A2ML1: variants seen among roughly 807,000 people sequenced by gnomAD.
A2ML1 encodes the protein alpha-2-macroglobulin-like protein 1.
A2ML1 carries 161 observed loss-of-function variants against 181.9 expected under a neutral mutation model. That is an observed-to-expected ratio of 0.89 (90% confidence interval 0.78 to 1.01). A2ML1 has a LOEUF of 1.01. A2ML1 is among the 50% of genes least tolerant of loss of function. The probability of loss-of-function intolerance (pLI) is 0.00; values close to 1 mark genes in which losing one functional copy is unlikely to be tolerated. For missense variants in A2ML1, 1,670 were observed against 1,768.1 expected (o/e 0.94, Z 1.00); for synonymous variants, 663 against 666.8 (o/e 0.99, Z 0.09).
chr12:8,847,381 G>A (rs1232363123), intron 14 of A2ML1, among the ~76,000 whole-genome samples, 168 bp from the exon 15 acceptor site: 1 of 151,920 alleles, frequency 6.6e-6, no homozygotes, highest in Admixed American at 6.6e-5. Context: ...ACTCTATCAC[G>A]GCATACACGT....
rs1184003729 is a variant in A2ML1, at chr12:8,839,324, A to G, written c.1080+102A>G. 5 of 711,878 alleles carry G rather than the reference A, an allele frequency of 7.0e-6. No homozygotes were observed. In the African/African-American group the frequency reaches 8.9e-5, roughly 13 times the overall value. 44.1% of individuals were successfully genotyped at this position (711,878 alleles called of 1,614,324 possible). ...ACATAGCTAACTTAGTGCTGTTCCA[A>G]GTACTTTATGTGTATTCATTTTAAT... On this transcript the variant is annotated intron_variant, in intron 10 of 35. Coordinates refer to ENST00000299698, the MANE Select transcript of A2ML1 (RefSeq NM_144670.6).
intron 11 of A2ML1, 104 bp downstream of exon 11, chr12:8,841,640 C>T: frequency 8.2e-7 from 1 of 1,212,544 alleles, no homozygotes; most frequent in East Asian, 2.4e-5. Context: ...GGAATTACAT[C>T]TTTCTCACTC....
At chr12:8,825,556 GTTGA>G (rs1942903076) in intron 3 of A2ML1, among the ~76,000 whole-genome samples, 1 of 152,068 alleles carries the variant, frequency 6.6e-6, no homozygotes, top group Non-Finnish European at 1.5e-5. Context: ...TTGTCTCTTT[GTTGA>G]TTGTTTCCTT....
downstream of A2ML1, among the ~76,000 whole-genome samples, chr12:8,878,812 A>T (rs1415171059): frequency 6.6e-6 from 1 of 151,956 alleles, no homozygotes; most frequent in Non-Finnish European, 1.5e-5. The surrounding 1 kb of genome is among the most constrained non-coding windows in gnomAD (Gnocchi z 4.4). Flanking sequence ...AAAATACAAA[A>T]ATTAGCCAGG....
At chr12:8,839,841 A>G (rs1198939268) in intron 10 of A2ML1, among the ~76,000 whole-genome samples, 1 of 152,056 alleles carries the variant, frequency 6.6e-6, no homozygotes, top group Non-Finnish European at 1.5e-5. Flanking sequence ...TCCACCTCCC[A>G]GGTTCAAGCG....
chr12:8,865,491 A>T (rs887235263), intron 29 of A2ML1, among the ~76,000 whole-genome samples: 4 of 152,230 alleles, frequency 2.6e-5, no homozygotes, highest in African/African-American at 9.6e-5. Flanking sequence ...GTGAGCCGAG[A>T]TGGCGCCATT....
At chr12:8,843,721 C>CTTTTTTTTTTT (rs756360339) in intron 12 of A2ML1, among the ~76,000 whole-genome samples, 1 of 133,608 alleles carries the variant, frequency 7.5e-6, no homozygotes, top group Admixed American at 7.8e-5. Flanking sequence ...CTTTTTTTTT[C>CTTTTTTTTTTT]TTTTTTTTTT....
chr12:8,835,637 C>A lies in A2ML1; in HGVS notation c.614C>A (p.Thr205Asn). 2 of 1,614,166 alleles carry A rather than the reference C, an allele frequency of 1.2e-6. No individual in the cohort carries two copies. The highest frequency in any genetic ancestry group is 1.7e-6 in the Non-Finnish European group (2 of 1,180,032). The change falls in exon 6 of 36, where the codon ACC (threonine) becomes AAC (asparagine). Residue 205 changes from threonine (T) to asparagine (N), a missense_variant. By Grantham distance (65) the Thr-to-Asn change is moderately conservative. Transcript: ENST00000299698. ...ACTGTGGCAGTGGCTGAGGGCAAGA[C>A]CTTTGGTACTTTCAGTGTGGAGGAA... ...TYTVAVAEGKTFGTFSVEEYV... is the reference protein window; with the variant it reads ...TYTVAVAEGKNFGTFSVEEYV...
chr12:8,877,986 T>C (rs1323121639), downstream of A2ML1, among the ~76,000 whole-genome samples: 2 of 152,130 alleles, frequency 1.3e-5, no homozygotes, highest in African/African-American at 2.4e-5. Context: ...ATGTATACCA[T>C]GGAATGCTAT....
intron 3 of A2ML1, among the ~76,000 whole-genome samples, chr12:8,826,898 C>T (rs746378423): frequency 1.1e-4 from 16 of 152,232 alleles, no homozygotes; most frequent in Non-Finnish European, 1.8e-4. Context: ...GGGTTACACG[C>T]GTAAGCCACC....
intron 28 of A2ML1, among the ~76,000 whole-genome samples, chr12:8,863,439 A>T (rs1944336789): frequency 6.6e-6 from 1 of 152,164 alleles, no homozygotes; most frequent in Admixed American, 6.5e-5. Flanking sequence ...ATGCTGAAAA[A>T]TTCATAAAAC....
At chr12:8,836,173 C>G in intron 6 of A2ML1, 82 bp from the exon 7 acceptor site, 4 of 1,090,780 alleles carry the variant, frequency 3.7e-6, no homozygotes, top group Non-Finnish European at 5.5e-6. Flanking sequence ...TTAATTCTCA[C>G]TGTTTATACC....
rs184491762 is a variant in A2ML1 at position 8,874,077 on chromosome 12, G to A, written c.4222-348G>A. On this transcript the variant is annotated intron_variant, in intron 33 of 35. Coordinates refer to ENST00000299698, the MANE Select transcript of A2ML1 (RefSeq NM_144670.6). Reference sequence around the variant, plus strand: ...GTCGCCCAGGCTGGAGTGCAGTGGCGCCATCTCGGCTCACTGCAACATCTG... The same window carrying A: ...GTCGCCCAGGCTGGAGTGCAGTGGCACCATCTCGGCTCACTGCAACATCTG... Among the ~76,000 whole-genome samples, 522 of 152,038 alleles carry A rather than the reference G, an allele frequency of 3.4e-3. 4 individuals are homozygous for A. The highest frequency in any genetic ancestry group is 0.011 in the African/African-American group (475 of 41,488).
At chr12:8,822,906 G>T (rs770100659) in intron 1 of A2ML1, among the ~76,000 whole-genome samples, 193 bp downstream of exon 1, 9 of 152,122 alleles carry the variant, frequency 5.9e-5, no homozygotes, top group Non-Finnish European at 1.0e-4. Context: ...CTTTAAAAAA[G>T]ATAAATATTA....
rs757780027 is a variant in A2ML1 at position 8,843,281 on chromosome 12, C to T, written c.1396C>T (p.Gln466Ter). Residue 466 changes from glutamine (Q) to a stop codon, truncating the protein, a stop_gained, in exon 12 of 36, where the codon CAG (glutamine) becomes TAG (stop). Coordinates refer to ENST00000299698, the MANE Select transcript of A2ML1 (RefSeq NM_144670.6). LOFTEE classifies it high-confidence loss of function. Reference sequence around the variant, plus strand: ...GCTAAACGGCCCCTTGAAATGTGGCCAGCCCCAGGAAGTGCTGGTGGATTA... The same window carrying T: ...GCTAAACGGCCCCTTGAAATGTGGCTAGCCCCAGGAAGTGCTGGTGGATTA... ...HRLNGPLKCG[Q>*]PQEVLVDYYI... 6.2e-7 allele frequency: 1 copy of T among 1,614,158 alleles called. No homozygotes were observed. Among genetic ancestry groups the T allele is most frequent in the South Asian group, 1.1e-5 (1 of 91,078 alleles).
rs373656984 is a variant in A2ML1, at chr12:8,847,635, G to A, written c.1770G>A (p.Ala590=). 72 of 1,613,546 alleles carry A rather than the reference G, an allele frequency of 4.5e-5. No individual in the cohort carries two copies. Among genetic ancestry groups the A allele is most frequent in the Admixed American group, 3.8e-4 (23 of 59,966 alleles). ...AGGCAGCTCCCGGATCCCTGTGTGCGCTCCGGGCGGTGGATGAGAGTGTCT... is the reference window on the plus strand; with the variant it reads ...AGGCAGCTCCCGGATCCCTGTGTGCACTCCGGGCGGTGGATGAGAGTGTCT... ...QLQAAPGSLC[A]LRAVDESVLL... Residue 590 remains alanine (A), a synonymous_variant, in exon 15 of 36, where the codon GCG becomes GCA. Transcript: ENST00000299698.
chr12:8,871,733 CTTATA>C (rs1944629160), intron 33 of A2ML1, among the ~76,000 whole-genome samples: 1 of 151,808 alleles, frequency 6.6e-6, no homozygotes, highest in South Asian at 2.1e-4. Flanking sequence ...TTAAATTTTC[CTTATA>C]TTAGTACATA....
chr12:8,880,818 T>A (rs1944863603), downstream of A2ML1, among the ~76,000 whole-genome samples: 1 of 152,188 alleles, frequency 6.6e-6, no homozygotes, highest in Admixed American at 6.6e-5. Context: ...GAAGGGGACC[T>A]GAGGTTTCAT....
rs201562272 is a variant in A2ML1 at position 8,851,954 on chromosome 12, G to T, written c.2405G>T (p.Arg802Leu). ...VDLTLPYSVV[R>L]GESFRLTATI... ...CTGACTCTCCCTTACTCAGTAGTCC[G>T]TGGGGAATCCTTTCGTCTTACTGCC... The change falls in exon 19 of 36, where the codon CGT (arginine) becomes CTT (leucine). Residue 802 changes from arginine (R) to leucine (L), a missense_variant. Coordinates refer to ENST00000299698, the MANE Select transcript of A2ML1 (RefSeq NM_144670.6). 6 of 1,614,042 alleles carry T rather than the reference G, an allele frequency of 3.7e-6. No homozygotes were observed. Among genetic ancestry groups the T allele is most frequent in the Admixed American group, 1.7e-5 (1 of 59,992 alleles).
Sources: allele counts gnomAD v4.1 joint callset (sites outside exome capture counted in the v4.1 genomes callset), GRCh38; gene constraint gnomAD v4.1.1; non-coding constraint Gnocchi (gnomAD v3.1); transcripts MANE v1.5; gene names NCBI Gene and HGNC (gene_info 2026-07-23, HGNC 2026-07-21).